Variants in GPC5 observed in about 807,000 individuals in gnomAD.
GPC5 encodes glypican-5.
A neutral mutation model predicts 53.9 loss-of-function variants in GPC5; 47 were observed. That is an observed-to-expected ratio of 0.87 (90% CI 0.69 to 1.11). The LOEUF (loss-of-function observed/expected upper bound fraction) is 1.11, where lower values mean the gene tolerates loss of function less well. Ranked by LOEUF, GPC5 falls within the 50% of genes most tolerant of loss-of-function variation. The pLI, the probability that GPC5 is intolerant of heterozygous loss-of-function variation, is 0.00. For synonymous variants in GPC5, 286 were observed against 263.3 expected (o/e 1.09, Z -0.84); for missense variants, 748 against 713.1 (o/e 1.05, Z -0.56).
chr13:91,772,951 A>C (rs2037651296), intron 5 of GPC5, among the ~76,000 whole-genome samples: 1 of 152,116 alleles, frequency 6.6e-6, no homozygotes, highest in Non-Finnish European at 1.5e-5. Context: ...TAGACTATTA[A>C]AAAAATATGG....
chr13:92,798,740 T>C (rs907358688), intron 7 of GPC5, among the ~76,000 whole-genome samples: 11 of 151,870 alleles, frequency 7.2e-5, no homozygotes, highest in Non-Finnish European at 1.5e-4. Flanking sequence ...ATTTTTCCTT[T>C]CATAGCATTA....
At chr13:92,459,679 T>C (rs61973628) in intron 7 of GPC5, among the ~76,000 whole-genome samples, 10,476 of 152,256 alleles carry the variant, frequency 0.069, 465 homozygotes, top group African/African-American at 0.12. Context: ...TTTTTTGCCT[T>C]ATTTAATAAT....
At chr13:92,467,740 G>A (rs1241423401) in intron 7 of GPC5, among the ~76,000 whole-genome samples, 1 of 152,106 alleles carries the variant, frequency 6.6e-6, no homozygotes, top group Non-Finnish European at 1.5e-5. Flanking sequence ...GTATTGCCTA[G>A]ATGTAGGTTT....
chr13:92,824,082 C>T (rs1195076437), intron 7 of GPC5, among the ~76,000 whole-genome samples: 1 of 152,092 alleles, frequency 6.6e-6, no homozygotes, highest in Non-Finnish European at 1.5e-5. Flanking sequence ...TAAGATTCTT[C>T]TTCCTGATGT....
chr13:92,734,511 T>A (rs894391348), intron 7 of GPC5, among the ~76,000 whole-genome samples: 4 of 152,038 alleles, frequency 2.6e-5, no homozygotes, highest in Admixed American at 6.6e-5. Flanking sequence ...ATGTGTGTAA[T>A]GAAAAATAAC....
chr13:91,572,245 A>T (rs865836200), intron 2 of GPC5, among the ~76,000 whole-genome samples: 1 of 129,032 alleles, frequency 7.8e-6, no homozygotes, highest in South Asian at 2.2e-4. Context: ...ATACATGTGT[A>T]TATATATACA....
intron 7 of GPC5, chr13:92,446,391 C>T (rs1236383037): frequency 6.6e-6 from 1 of 150,412 alleles, no homozygotes; most frequent in Non-Finnish European, 1.5e-5. Context: ...AATGTAATGA[C>T]TTCCAGTTCC....
At chr13:92,845,285 C>T (rs1487890620) in intron 7 of GPC5, among the ~76,000 whole-genome samples, 2 of 152,092 alleles carry the variant, frequency 1.3e-5, no homozygotes, top group Non-Finnish European at 2.9e-5. Context: ...ACTTGACATG[C>T]CTTTGACTGG....
chr13:92,175,422 T>G (rs1473840010), intron 7 of GPC5, among the ~76,000 whole-genome samples: 1 of 152,230 alleles, frequency 6.6e-6, no homozygotes, highest in Non-Finnish European at 1.5e-5. Context: ...TGTCAAAATT[T>G]AGTAGTGCGT....
intron 2 of GPC5, among the ~76,000 whole-genome samples, chr13:91,507,426 G>A (rs1361451833): frequency 4.6e-5 from 7 of 152,138 alleles, no homozygotes; most frequent in Non-Finnish European, 7.4e-5. Flanking sequence ...CAATCATGGC[G>A]GAAGGCAAGG....
At chr13:91,980,590 C>T (rs533384600) in intron 6 of GPC5, among the ~76,000 whole-genome samples, 1 of 151,820 alleles carries the variant, frequency 6.6e-6, no homozygotes, top group South Asian at 2.1e-4. Context: ...CACAAAATAC[C>T]TATCCCTCGA....
In GPC5 at chr13:91,934,052, G is replaced by T. The variant is rs532170610; in HGVS notation, c.1401+25995G>T. 4.0e-4 allele frequency among the ~76,000 whole-genome samples: 61 copies of T among 151,848 alleles called. No individual in the cohort carries two copies. The South Asian group carries it at 0.012, about 30-fold the overall frequency. On this transcript the variant is annotated intron_variant, in intron 6 of 7. Transcript: ENST00000377067. The stretch of plus-strand genomic sequence containing the variant: ...CTGGGACCCTCTTTTTGACACTGCT[G>T]CTTTAAGATAAGTCTTAGGATTTAA...
At chr13:91,653,420 G>T (rs2034766545) in intron 2 of GPC5, among the ~76,000 whole-genome samples, 1 of 151,752 alleles carries the variant, frequency 6.6e-6, no homozygotes, top group African/African-American at 2.4e-5. Flanking sequence ...ATGGTTAATG[G>T]GTACAAAAAA....
intron 1 of GPC5, among the ~76,000 whole-genome samples, chr13:91,437,988 T>C (rs539334384): frequency 1.3e-3 from 194 of 152,344 alleles, no homozygotes; most frequent in Middle Eastern, 3.4e-3. Flanking sequence ...TGTCACGTAG[T>C]TCTCGTGCCT....
intron 5 of GPC5, among the ~76,000 whole-genome samples, chr13:91,829,775 G>A (rs2038627287): frequency 6.6e-6 from 1 of 151,986 alleles, no homozygotes; most frequent in South Asian, 2.1e-4. Context: ...TAGGTTCCGT[G>A]ATGCCCCACA....
intron 7 of GPC5, among the ~76,000 whole-genome samples, chr13:92,442,184 A>T (rs2139387114): frequency 6.6e-6 from 1 of 152,190 alleles, no homozygotes; most frequent in East Asian, 1.9e-4. Flanking sequence ...TAGGCTTGTT[A>T]TGTGCAAAAC....
chr13:92,666,447 A>G (rs1485161828), intron 7 of GPC5, among the ~76,000 whole-genome samples: 1 of 152,186 alleles, frequency 6.6e-6, no homozygotes, highest in East Asian at 1.9e-4. Context: ...GGCTTTTCAT[A>G]ATATAACAAA....
intron 2 of GPC5, among the ~76,000 whole-genome samples, chr13:91,478,903 G>GCACATATA: frequency 1.6e-5 from 1 of 64,224 alleles, no homozygotes; most frequent in Admixed American, 1.9e-4. Flanking sequence ...ATATATATAT[G>GCACATATA]CACATATATA....
intron 2 of GPC5, among the ~76,000 whole-genome samples, chr13:91,489,489 C>T (rs747898875): frequency 9.9e-5 from 15 of 152,260 alleles, no homozygotes; most frequent in Middle Eastern, 6.8e-3. Context: ...TACAGAATAA[C>T]GTCTGAGGTC....
Sources: gnomAD v4.1 joint callset for allele counts (sites outside exome capture counted in the v4.1 genomes callset) on GRCh38, gnomAD v4.1.1 for gene constraint, MANE v1.5 for transcripts, NCBI Gene and HGNC (gene_info 2026-07-23, HGNC 2026-07-21) for gene names.